The following FAM90A22 variants were observed in gnomAD, a reference collection of about 807,000 sequenced individuals.
FAM90A22 encodes protein FAM90A22.
the FAM90A22 span, among the ~76,000 whole-genome samples, chr8:7,573,450 T>TC: frequency 1.0e-5 from 1 of 96,492 alleles, no homozygotes; most frequent in Non-Finnish European, 2.5e-5. Flanking sequence ...TACGGCATGT[T>TC]CAGATGCCTT....
Sources: gnomAD v4.1 joint callset for allele counts (sites outside exome capture counted in the v4.1 genomes callset) on GRCh38, gnomAD v4.1.1 for gene constraint, MANE v1.5 for transcripts, NCBI Gene and HGNC (gene_info 2026-07-23, HGNC 2026-07-21) for gene names.